The following STX2 variants were observed in gnomAD, a reference collection of about 807,000 sequenced individuals.
STX2 encodes syntaxin 2.
In STX2, 27 loss-of-function variants were observed where a neutral mutation model predicts 40.6. The observed-to-expected ratio is 0.66, with a 90% confidence interval of 0.49 to 0.92. The LOEUF (loss-of-function observed/expected upper bound fraction) is 0.92, where lower values mean the gene tolerates loss of function less well. STX2 is among the 40% of genes least tolerant of loss of function. The pLI is 0.00. For synonymous variants in STX2, 123 were observed against 119.1 expected, an observed-to-expected ratio of 1.03 and a Z score of -0.22; for missense variants, 328 against 366.1, an observed-to-expected ratio of 0.90 and a Z score of 0.85.
At chr12:130,830,029 G>A (rs1952496912) in intron 1 of STX2, among the ~76,000 whole-genome samples, 1 of 152,226 alleles carries the variant, frequency 6.6e-6, no homozygotes. Context: ...TTGGGAAACT[G>A]TAAACATATA....
intron 3 of STX2, among the ~76,000 whole-genome samples, chr12:130,819,435 C>A (rs1191144297): frequency 6.6e-6 from 1 of 151,680 alleles, no homozygotes; most frequent in East Asian, 1.9e-4. Context: ...TTTTTAAAGA[C>A]TGACCAAGGA....
chr12:130,828,825 G>A (rs1414608318), intron 1 of STX2, among the ~76,000 whole-genome samples: 7 of 147,400 alleles, frequency 4.7e-5, no homozygotes, highest in African/African-American at 7.5e-5. Context: ...CCGAGATCGC[G>A]CCACTGCACT....
At position 130,790,959 on chromosome 12, in the gene STX2, TG is replaced by T. The variant is rs149185432; in HGVS notation, c.*1063del. ...TTGCAGCCAATGTTTTCCGTGACAATGGGAAACTTTAAACAACTGTACAAAG... is the reference window on the plus strand; with the variant it reads ...TTGCAGCCAATGTTTTCCGTGACAATGGAAACTTTAAACAACTGTACAAAG... On this transcript the variant is annotated 3_prime_UTR_variant, in exon 11 of 11. Transcript: ENST00000392373. 0.063 allele frequency: 9,680 copies of T among 152,612 alleles called. 406 individuals are homozygous for T. The highest frequency in any genetic ancestry group is 0.092 in the Non-Finnish European group (6,270 of 67,974). 9.5% of individuals were successfully genotyped at this position (152,612 alleles called of 1,614,324 possible).
chr12:130,794,837 C>T (rs1472253754), intron 10 of STX2, among the ~76,000 whole-genome samples: 1 of 152,206 alleles, frequency 6.6e-6, no homozygotes, highest in Non-Finnish European at 1.5e-5. Flanking sequence ...ACTTCCATAA[C>T]CCAAGAATAA....
At chr12:130,809,086 C>T (rs1406462406) in intron 4 of STX2, among the ~76,000 whole-genome samples, 13 of 152,188 alleles carry the variant, frequency 8.5e-5, no homozygotes, top group Admixed American at 8.5e-4. Context: ...AGGCTGGTCT[C>T]GAACTCATGA....
intron 3 of STX2, among the ~76,000 whole-genome samples, chr12:130,818,346 T>C (rs1032692209): frequency 7.1e-6 from 1 of 139,864 alleles, no homozygotes; most frequent in South Asian, 2.5e-4. Context: ...AGCTGCACTC[T>C]CGCCTGGTCG....
intron 8 of STX2, 92 bp from the exon 9 acceptor site, chr12:130,798,727 AC>A: frequency 1.1e-6 from 1 of 925,330 alleles, no homozygotes; most frequent in Middle Eastern, 3.0e-4. Context: ...TTTTATATAA[AC>A]ACGATGTGCA....
rs570615712 is a variant in STX2, at chr12:130,823,252, T to C, written c.106-1464A>G. Among the ~76,000 whole-genome samples the C allele has an allele frequency of 2.6e-5, 4 of 152,232 alleles. No homozygotes were observed. The East Asian group carries it at 7.7e-4, about 29-fold the overall frequency. ...ACTTGGGCCCAGGAAGTTGAGGCTG[T>C]AGTGAGCTGTGACTGCACCACTACA... On this transcript the variant is annotated intron_variant, in intron 2 of 10. Coordinates refer to ENST00000392373, the MANE Select transcript of STX2 (RefSeq NM_194356.4).
In STX2 at chr12:130,801,239, G is replaced by A. The variant is rs374850865; in HGVS notation, c.589C>T (p.Arg197Cys). Reference protein sequence around the residue: ...TRQALNEIESRHKDIMKLETS... With the variant: ...TRQALNEIESCHKDIMKLETS... ...TCCAGCTTCATGATGTCCTTGTGAC[G>A]TGACTCGATTTCATTGAGAGCTTGT... is the stretch of plus-strand genomic sequence containing the variant. The change falls in exon 8 of 11, where the codon CGT (arginine) becomes TGT (cysteine). Residue 197 changes from arginine to cysteine, a missense_variant. Coordinates refer to ENST00000392373, the MANE Select transcript of STX2 (RefSeq NM_194356.4). The A allele has an allele frequency of 1.2e-5, 19 of 1,613,760 alleles. No individual in the cohort carries two copies. Among genetic ancestry groups the A allele is most frequent in the Admixed American group, 1.0e-4 (6 of 60,016 alleles).
At chr12:130,812,109 G>A (rs891907272) in intron 4 of STX2, 2 of 243,318 alleles carry the variant, frequency 8.2e-6, no homozygotes, top group East Asian at 1.5e-4. Flanking sequence ...AATCATGAAG[G>A]GAGAATCTCA....
intron 1 of STX2, among the ~76,000 whole-genome samples, chr12:130,828,559 G>A (rs553505752): frequency 1.3e-4 from 20 of 151,834 alleles, no homozygotes; most frequent in Non-Finnish European, 2.8e-4. Context: ...GTAATTCTAA[G>A]CAAAGCAGCA....
At chr12:130,814,627 CTTTTTTTTTTTT>C (rs5801936) in intron 3 of STX2, among the ~76,000 whole-genome samples, 10 of 49,228 alleles carry the variant, frequency 2.0e-4, no homozygotes, top group Non-Finnish European at 3.5e-4. Context: ...ATTAGAAAGA[CTTTTTTTTTTTT>C]TTTTTTTTTT....
chr12:130,833,378 G>A (rs990945645), intron 1 of STX2, among the ~76,000 whole-genome samples: 2 of 150,548 alleles, frequency 1.3e-5, no homozygotes, highest in East Asian at 2.0e-4. Context: ...ATGGTACTAC[G>A]TGCCCTCAAA....
At chr12:130,834,721 A>G (rs1212309402) in intron 1 of STX2, among the ~76,000 whole-genome samples, 1 of 152,272 alleles carries the variant, frequency 6.6e-6, no homozygotes, top group Non-Finnish European at 1.5e-5. Flanking sequence ...CTCCAACTGT[A>G]GGAACTGTTT....
intron 1 of STX2, among the ~76,000 whole-genome samples, chr12:130,830,432 C>T (rs1077317): frequency 0.56 from 84,803 of 152,018 alleles, 26,244 homozygotes; most frequent in East Asian, 0.87. Flanking sequence ...AGTGGCGTGG[C>T]GTCAATCCTC....
At position 130,811,742 on chromosome 12, in the gene STX2, T is replaced by G. The variant is rs1951665704; in HGVS notation, c.280+1215A>C. ...TTTTAGTAGAGACGGGGTTTCACCG[T>G]GTTAGCCAGGATAAGTCTCGATCTC... is the stretch of plus-strand genomic sequence containing the variant. On this transcript the variant is annotated intron_variant, in intron 4 of 10. Coordinates refer to ENST00000392373, the MANE Select transcript of STX2 (RefSeq NM_194356.4). 3.3e-5 allele frequency among the ~76,000 whole-genome samples: 5 copies of G among 152,152 alleles called. No individual in the cohort carries two copies. The South Asian group carries it at 1.0e-3, about 32-fold the overall frequency.
intron 1 of STX2, among the ~76,000 whole-genome samples, chr12:130,835,352 A>G (rs1444254164): frequency 1.3e-5 from 2 of 152,182 alleles, no homozygotes; most frequent in Admixed American, 6.5e-5. Context: ...TAACGTTCTC[A>G]TTTCTTTTAG....
At chr12:130,794,527 G>A (rs1399772263) in intron 10 of STX2, among the ~76,000 whole-genome samples, 4 of 152,110 alleles carry the variant, frequency 2.6e-5, no homozygotes, top group Non-Finnish European at 5.9e-5. Context: ...AGATGGTCTC[G>A]CTCTGTCACC....
At position 130,839,176 on chromosome 12, in the gene STX2, T is replaced by G; in HGVS notation, c.-77A>C. ...TCCGGCCGGGCCTCGGGCTCTCCGG[T>G]CTCCGCCTCAGGCCCCGCGGTCCCG... On this transcript the variant is annotated 5_prime_UTR_variant, in exon 1 of 11. Transcript: ENST00000392373. The G allele has an allele frequency of 8.9e-7, 1 of 1,120,624 alleles. No individual in the cohort carries two copies. The highest frequency in any genetic ancestry group is 1.1e-6 in the Non-Finnish European group (1 of 914,992). 69.4% of individuals were successfully genotyped at this position (1,120,624 alleles called of 1,614,324 possible).
Sources: gnomAD v4.1 joint callset for allele counts (sites outside exome capture counted in the v4.1 genomes callset) on GRCh38, gnomAD v4.1.1 for gene constraint, MANE v1.5 for transcripts, NCBI Gene and HGNC (gene_info 2026-07-23, HGNC 2026-07-21) for gene names.